LDB2: variants seen among roughly 807,000 people sequenced by gnomAD.
LDB2 encodes the protein LIM domain binding 2.
A neutral mutation model predicts 44.3 loss-of-function variants in LDB2; 12 were observed. That is an observed-to-expected ratio of 0.27 (90% CI 0.17 to 0.44). The LOEUF (loss-of-function observed/expected upper bound fraction) is 0.44, where lower values mean the gene tolerates loss of function less well. LDB2 is among the 20% of genes least tolerant of loss of function. LDB2 has a pLI of 1.00. For missense variants in LDB2, 344 were observed against 473.5 expected, an observed-to-expected ratio of 0.73 and a Z score of 2.54; for synonymous variants, 164 against 174.8, an observed-to-expected ratio of 0.94 and a Z score of 0.49.
At chr4:16,770,049 C>T (rs561837170) in intron 1 of LDB2, among the ~76,000 whole-genome samples, 1 of 152,334 alleles carries the variant, frequency 6.6e-6, no homozygotes, top group Non-Finnish European at 1.5e-5. Context: ...GCAGTCCAAA[C>T]AGAAATGTTA....
Position 16,747,243 on chromosome 4 carries a change from G to C in LDB2, c.235+11915C>G, listed in dbSNP as rs945749648. On this transcript the variant is annotated intron_variant, in intron 2 of 7. Coordinates refer to ENST00000304523, the MANE Select transcript of LDB2 (RefSeq NM_001290.5). ...ATAGCTGCTGCACTGCTGTGAACCT[G>C]AATAATAACTCTCATAATTACTGAT... is the stretch of plus-strand genomic sequence containing the variant. Among the ~76,000 whole-genome samples, 12 of 152,162 alleles carry C rather than the reference G, an allele frequency of 7.9e-5. No individual in the cohort carries two copies. In the South Asian group the frequency reaches 2.1e-3, roughly 26 times the overall value.
In LDB2 at chr4:16,711,883, C is replaced by A. The variant is rs1371808100; in HGVS notation, c.235+47275G>T. 2.0e-5 allele frequency among the ~76,000 whole-genome samples: 3 copies of A among 152,114 alleles called. No individual in the cohort carries two copies. In the East Asian group the frequency reaches 5.8e-4, roughly 29 times the overall value. On this transcript the variant is annotated intron_variant, in intron 2 of 7. Transcript: ENST00000304523. ...AAATGGTGCTGAGATAACTGGCTGTCCACATGCAAAAGAACAAATTTGAAT... is the reference window on the plus strand; with the variant it reads ...AAATGGTGCTGAGATAACTGGCTGTACACATGCAAAAGAACAAATTTGAAT...
chr4:16,629,743 A>G (rs942224322), intron 2 of LDB2, among the ~76,000 whole-genome samples: 2 of 152,110 alleles, frequency 1.3e-5, no homozygotes, highest in African/African-American at 4.8e-5. Flanking sequence ...AAGAGCTTCA[A>G]TGACCTGGTG....
chr4:16,583,356 G>T (rs1202400146), intron 5 of LDB2, among the ~76,000 whole-genome samples: 1 of 152,144 alleles, frequency 6.6e-6, no homozygotes, highest in Non-Finnish European at 1.5e-5. Flanking sequence ...AGAAGGCTTT[G>T]GATTCATATT....
chr4:16,814,205 C>T (rs1262684711), intron 1 of LDB2, among the ~76,000 whole-genome samples: 1 of 152,148 alleles, frequency 6.6e-6, no homozygotes, highest in African/African-American at 2.4e-5. Flanking sequence ...TGTGATTTTG[C>T]TTCTGGAAAA....
intron 1 of LDB2, among the ~76,000 whole-genome samples, chr4:16,836,218 C>T (rs1784863400): frequency 6.6e-6 from 1 of 152,176 alleles, no homozygotes; most frequent in African/African-American, 2.4e-5. Flanking sequence ...GGTGGCTTTC[C>T]ATTCCACTAT....
chr4:16,811,008 A>G (rs1779755585), intron 1 of LDB2, among the ~76,000 whole-genome samples: 1 of 152,206 alleles, frequency 6.6e-6, no homozygotes, highest in Non-Finnish European at 1.5e-5. Context: ...TCAGATCATC[A>G]GACATTAGGT....
chr4:16,622,769 G>T (rs1007311727), intron 2 of LDB2, among the ~76,000 whole-genome samples: 7 of 152,196 alleles, frequency 4.6e-5, no homozygotes, highest in African/African-American at 1.4e-4. Context: ...TAGAGTGAAA[G>T]CATTTGCTTA....
intron 5 of LDB2, among the ~76,000 whole-genome samples, chr4:16,527,966 A>G (rs1248344780): frequency 6.6e-6 from 1 of 150,802 alleles, no homozygotes; most frequent in Admixed American, 6.6e-5. Context: ...GGAAAAGTGA[A>G]AAAAAAGAAA....
chr4:16,793,667 A>T lies in LDB2; in HGVS notation c.133-34407T>A, dbSNP rs76243893. ...GTAAATATTTCACCAATTATTACTA[A>T]GGGCTTTTTAATGATTCCTCTTTGT... On this transcript the variant is annotated intron_variant, in intron 1 of 7. Coordinates refer to ENST00000304523, the MANE Select transcript of LDB2 (RefSeq NM_001290.5). Among the ~76,000 whole-genome samples the T allele has an allele frequency of 5.9e-5, 9 of 152,194 alleles. No individual in the cohort carries two copies. The South Asian group carries it at 6.2e-4, about 11-fold the overall frequency.
At chr4:16,715,885 A>G (rs1199340843) in intron 2 of LDB2, among the ~76,000 whole-genome samples, 1 of 152,116 alleles carries the variant, frequency 6.6e-6, no homozygotes. Context: ...TCTTCGAGGC[A>G]GACTGAGTGG....
intron 2 of LDB2, among the ~76,000 whole-genome samples, chr4:16,626,467 A>G (rs1023140128): frequency 2.0e-5 from 3 of 152,224 alleles, no homozygotes; most frequent in Non-Finnish European, 4.4e-5. Flanking sequence ...AATGACCAGC[A>G]TATGTCAACA....
chr4:16,535,160 C>T lies in LDB2; in HGVS notation c.616-23056G>A, dbSNP rs556664736. On this transcript the variant is annotated intron_variant, in intron 5 of 7. Coordinates refer to ENST00000304523, the MANE Select transcript of LDB2 (RefSeq NM_001290.5). ...AAGGACTGAAGTAATTGCTAGTTCT[C>T]GAAAGAAAACCATTTGGATGACCGT... Among the ~76,000 whole-genome samples, 114 of 152,210 alleles carry T rather than the reference C, an allele frequency of 7.5e-4. No individual in the cohort carries two copies. The South Asian group carries it at 9.5e-3, about 13-fold the overall frequency.
intron 1 of LDB2, among the ~76,000 whole-genome samples, chr4:16,897,188 C>T (rs963078712): frequency 1.3e-5 from 2 of 152,122 alleles, no homozygotes; most frequent in Non-Finnish European, 2.9e-5. Context: ...GTGTTTTATC[C>T]CATAGCACAA....
At position 16,582,271 on chromosome 4, in the gene LDB2, G is replaced by C. The variant is rs552955197; in HGVS notation, c.615+3651C>G. On this transcript the variant is annotated intron_variant, in intron 5 of 7. Coordinates refer to ENST00000304523, the MANE Select transcript of LDB2 (RefSeq NM_001290.5). This position sits in a 1 kb window ranked among gnomAD's most constrained non-coding sequence, Gnocchi z 4.8. ...CAGAAATGCTTGTGAAATGAACAAT[G>C]AATAAATGGGCAAACAGGATCTGGT... Among the ~76,000 whole-genome samples, 35 of 152,266 alleles carry C rather than the reference G, an allele frequency of 2.3e-4. No individual in the cohort carries two copies. Among genetic ancestry groups the C allele is most frequent in the Admixed American group, 2.2e-3 (33 of 15,292 alleles).
intron 2 of LDB2, among the ~76,000 whole-genome samples, chr4:16,721,072 C>T (rs1758170573): frequency 6.6e-6 from 1 of 152,138 alleles, no homozygotes; most frequent in Non-Finnish European, 1.5e-5. Context: ...AAAACTATGT[C>T]CTCTGGCAAT....
At chr4:16,799,939 C>A (rs1163572285) in intron 1 of LDB2, among the ~76,000 whole-genome samples, 1 of 152,070 alleles carries the variant, frequency 6.6e-6, no homozygotes, top group Admixed American at 6.5e-5. Flanking sequence ...TTTGGGAAAC[C>A]TGGCAACCCT....
intron 5 of LDB2, among the ~76,000 whole-genome samples, chr4:16,548,214 C>G (rs960575172): frequency 6.6e-6 from 1 of 152,066 alleles, no homozygotes; most frequent in African/African-American, 2.4e-5. Flanking sequence ...GCAGGTGGCT[C>G]TGAAGAGTAT....
intron 1 of LDB2, among the ~76,000 whole-genome samples, chr4:16,856,976 T>G (rs1429525507): frequency 6.6e-6 from 1 of 152,216 alleles, no homozygotes; most frequent in East Asian, 1.9e-4. Flanking sequence ...TTCCTCAAAA[T>G]TAAGTAGTTT....
Sources: allele counts gnomAD v4.1 joint callset (sites outside exome capture counted in the v4.1 genomes callset), GRCh38; gene constraint gnomAD v4.1.1; non-coding constraint Gnocchi (gnomAD v3.1); transcripts MANE v1.5; gene names NCBI Gene and HGNC (gene_info 2026-07-23, HGNC 2026-07-21).